CHST9: variants seen among roughly 807,000 people sequenced by gnomAD.
CHST9 encodes the protein GalNAc-4-sulfotransferase 2.
In CHST9, 41 loss-of-function variants were observed where a neutral mutation model predicts 44.4. The ratio of observed to expected loss-of-function variants is 0.92; its 90% CI spans 0.72 to 1.20. The LOEUF (loss-of-function observed/expected upper bound fraction) is 1.20. Among genes scored for constraint, CHST9 ranks in the 50% most tolerant of loss-of-function variants. The pLI is 0.00. For synonymous variants in CHST9, 171 were observed against 178.4 expected (o/e 0.96, Z 0.33); for missense variants, 504 against 516.5 (o/e 0.98, Z 0.23).
At chr18:27,000,652 CTA>C (rs1598627829) in intron 4 of CHST9, among the ~76,000 whole-genome samples, 2 of 151,158 alleles carry the variant, frequency 1.3e-5, no homozygotes, top group Middle Eastern at 3.5e-3. Context: ...ATCTATCTAT[CTA>C]TCTCTCTATC....
At chr18:26,969,237 T>G (rs897777949) in intron 4 of CHST9, among the ~76,000 whole-genome samples, 1 of 151,984 alleles carries the variant, frequency 6.6e-6, no homozygotes, top group Non-Finnish European at 1.5e-5. Flanking sequence ...CTCCTGACCT[T>G]GTGATCCACC....
intron 1 of CHST9, among the ~76,000 whole-genome samples, chr18:27,160,158 T>G (rs1365152374): frequency 6.6e-6 from 1 of 151,870 alleles, no homozygotes; most frequent in Admixed American, 6.6e-5. Flanking sequence ...TGAATAGGAG[T>G]GGTGAGAGAG....
intron 2 of CHST9, among the ~76,000 whole-genome samples, chr18:27,060,167 C>G (rs894520652): frequency 6.6e-6 from 1 of 152,106 alleles, no homozygotes; most frequent in Non-Finnish European, 1.5e-5. Context: ...ATGTCTGCAA[C>G]GCTATTGTAA....
intron 1 of CHST9, among the ~76,000 whole-genome samples, chr18:27,149,496 A>G (rs1402919929): frequency 2.6e-5 from 4 of 152,090 alleles, no homozygotes; most frequent in Non-Finnish European, 5.9e-5. Context: ...TAGTGTTGCA[A>G]TGAACAAACA....
chr18:27,086,015 G>A (rs1345532151), intron 2 of CHST9, among the ~76,000 whole-genome samples: 1 of 152,142 alleles, frequency 6.6e-6, no homozygotes, highest in Non-Finnish European at 1.5e-5. Context: ...GTTAATGCAG[G>A]AACAGAAAAC....
intron 1 of CHST9, among the ~76,000 whole-genome samples, chr18:27,174,826 G>A (rs2143966284): frequency 6.6e-6 from 1 of 152,040 alleles, no homozygotes; most frequent in East Asian, 1.9e-4. Flanking sequence ...ATATACAAAA[G>A]ATCCCAAATT....
chr18:26,923,613 A>G (rs2055704537), intron 5 of CHST9, among the ~76,000 whole-genome samples: 1 of 152,188 alleles, frequency 6.6e-6, no homozygotes. Flanking sequence ...TGAGACTTTG[A>G]TCATTCTTTC....
intron 4 of CHST9, among the ~76,000 whole-genome samples, chr18:26,963,541 C>G (rs889853377): frequency 4.0e-5 from 6 of 148,966 alleles, no homozygotes; most frequent in Admixed American, 6.7e-5. Flanking sequence ...TGCTGGGCAG[C>G]GCAGATTCCA....
intron 1 of CHST9, among the ~76,000 whole-genome samples, chr18:27,165,749 A>T (rs1004321235): frequency 1.3e-5 from 2 of 152,196 alleles, no homozygotes; most frequent in Non-Finnish European, 2.9e-5. Flanking sequence ...TATTAGTTAC[A>T]AAAGGGGTTG....
intron 4 of CHST9, among the ~76,000 whole-genome samples, chr18:26,975,752 T>C (rs1182695988): frequency 7.3e-6 from 1 of 136,486 alleles, no homozygotes; most frequent in Non-Finnish European, 1.6e-5. Flanking sequence ...TATATATATA[T>C]ATATATATAT....
At chr18:26,918,250 G>A (rs9304502) in intron 5 of CHST9, among the ~76,000 whole-genome samples, 26,487 of 152,050 alleles carry the variant, frequency 0.17, 2,399 homozygotes, top group Non-Finnish European at 0.2. Context: ...GTAAACTAGG[G>A]AACTTTTGTA....
chr18:27,041,655 T>C (rs1285540649), intron 3 of CHST9, among the ~76,000 whole-genome samples: 1 of 152,184 alleles, frequency 6.6e-6, no homozygotes, highest in Non-Finnish European at 1.5e-5. Context: ...TGGCAATTTC[T>C]CCTTCATTAG....
chr18:27,077,817 G>A (rs925095794), intron 2 of CHST9, among the ~76,000 whole-genome samples: 4 of 152,124 alleles, frequency 2.6e-5, no homozygotes, highest in African/African-American at 9.7e-5. Flanking sequence ...AGACATAACC[G>A]AGACTGGGTA....
At chr18:27,118,944 A>G (rs1027570234) in intron 2 of CHST9, among the ~76,000 whole-genome samples, 3 of 152,254 alleles carry the variant, frequency 2.0e-5, no homozygotes, top group Admixed American at 2.0e-4. Context: ...CATTAATAAA[A>G]TTGATTAACA....
At chr18:27,046,852 A>G (rs933168577) in intron 3 of CHST9, among the ~76,000 whole-genome samples, 1 of 152,084 alleles carries the variant, frequency 6.6e-6, no homozygotes, top group Non-Finnish European at 1.5e-5. Flanking sequence ...AAATCAGGCA[A>G]TTGACAAGCT....
chr18:26,952,520 C>G, intron 4 of CHST9: 1 of 465,042 alleles, frequency 2.2e-6, no homozygotes, highest in Non-Finnish European at 4.2e-6. Flanking sequence ...CATCCAGCAG[C>G]ACTTGGTACC....
At chr18:27,076,173 A>T (rs1182629858) in intron 2 of CHST9, among the ~76,000 whole-genome samples, 4 of 152,224 alleles carry the variant, frequency 2.6e-5, no homozygotes, top group African/African-American at 9.6e-5. Context: ...GTGCAATTTC[A>T]AGACAATAGG....
At chr18:27,068,927 G>A (rs1490132516) in intron 2 of CHST9, among the ~76,000 whole-genome samples, 3 of 152,150 alleles carry the variant, frequency 2.0e-5, no homozygotes, top group African/African-American at 7.2e-5. Context: ...TCTTTTCTAG[G>A]ACATGAAGGT....
intron 5 of CHST9, among the ~76,000 whole-genome samples, chr18:26,918,427 G>C (rs1371763364): frequency 6.6e-6 from 1 of 152,020 alleles, no homozygotes; most frequent in African/African-American, 2.4e-5. Context: ...GCCTAGAGGT[G>C]GAGGGAGTGG....
Sources: allele counts gnomAD v4.1 joint callset (sites outside exome capture counted in the v4.1 genomes callset), GRCh38; gene constraint gnomAD v4.1.1; transcripts MANE v1.5; gene names NCBI Gene and HGNC (gene_info 2026-07-23, HGNC 2026-07-21).